Variants in DLC1 observed in about 807,000 individuals in gnomAD.
The protein encoded by DLC1 is rho GTPase-activating protein 7.
DLC1 carries 54 observed loss-of-function variants against 140.3 expected under a neutral mutation model. That is an observed-to-expected ratio of 0.38 (90% CI 0.31 to 0.48). The LOEUF (loss-of-function observed/expected upper bound fraction) is 0.48, where lower values mean the gene tolerates loss of function less well. DLC1 is among the 20% of genes least tolerant of loss of function. The pLI, the probability that DLC1 is intolerant of heterozygous loss-of-function variation, is 0.96. For synonymous variants in DLC1, 986 were observed against 728.1 expected, an observed-to-expected ratio of 1.35 and a Z score of -5.70; for missense variants, 2,536 against 1,907.0, an observed-to-expected ratio of 1.33 and a Z score of -6.14.
intron 8 of DLC1, among the ~76,000 whole-genome samples, chr8:13,101,733 A>G (rs1402850877): frequency 6.6e-6 from 1 of 152,180 alleles, no homozygotes; most frequent in Non-Finnish European, 1.5e-5. Context: ...GCTCCAGCCA[A>G]TTGAACAAGG....
chr8:13,400,469 T>C (rs1351350940), intron 3 of DLC1, among the ~76,000 whole-genome samples: 1 of 152,230 alleles, frequency 6.6e-6, no homozygotes. Context: ...CATAATGTTA[T>C]TCCACTGTAT....
intron 5 of DLC1, among the ~76,000 whole-genome samples, chr8:13,132,194 A>G (rs988618217): frequency 6.2e-5 from 9 of 144,434 alleles, no homozygotes; most frequent in Non-Finnish European, 1.3e-4. Context: ...TCTCCGGGAA[A>G]AAAACCAAAA....
At position 13,154,250 on chromosome 8, in the gene DLC1, C is replaced by T. The variant is rs116173014; in HGVS notation, c.1349-38593G>A. On this transcript the variant is annotated intron_variant, in intron 5 of 17. Coordinates refer to ENST00000276297, the MANE Select transcript of DLC1 (RefSeq NM_182643.3). The stretch of plus-strand genomic sequence containing the variant: ...CCCTCGGGTGGTCACCATGGAGCAG[C>T]GGGAGGCACCCATCAGGGAGACTCG... Among the ~76,000 whole-genome samples the T allele has an allele frequency of 4.4e-3, 672 of 152,330 alleles. 2 individuals are homozygous for T. Among genetic ancestry groups the T allele is most frequent in the African/African-American group, 0.014 (595 of 41,586 alleles).
chr8:13,557,105 A>G (rs988906945), intron 1 of DLC1, among the ~76,000 whole-genome samples: 1 of 152,156 alleles, frequency 6.6e-6, no homozygotes, highest in Non-Finnish European at 1.5e-5. Context: ...GGAACTCTGA[A>G]TGTTATTCTA....
intron 1 of DLC1, among the ~76,000 whole-genome samples, chr8:13,513,326 T>G (rs1461336543): frequency 6.6e-6 from 1 of 152,160 alleles, no homozygotes; most frequent in Non-Finnish European, 1.5e-5. Flanking sequence ...TCCACATATA[T>G]AAAAAGTAGA....
chr8:13,207,589 T>G (rs1377688069), intron 5 of DLC1, among the ~76,000 whole-genome samples: 5 of 152,044 alleles, frequency 3.3e-5, no homozygotes, highest in Non-Finnish European at 7.3e-5. Context: ...AAACTCAACC[T>G]TAAAAATAGA....
chr8:13,541,688 T>C (rs1803489271), intron 1 of DLC1, among the ~76,000 whole-genome samples: 1 of 152,144 alleles, frequency 6.6e-6, no homozygotes, highest in Non-Finnish European at 1.5e-5. Flanking sequence ...TAGCTGGGAC[T>C]ACAGGCGCCT....
At chr8:13,188,906 G>C (rs1288134986) in intron 5 of DLC1, among the ~76,000 whole-genome samples, 2 of 138,136 alleles carry the variant, frequency 1.4e-5, no homozygotes, top group African/African-American at 2.7e-5. Flanking sequence ...GGCCAGGCTG[G>C]TCTTGAACTC....
chr8:13,407,815 C>T (rs1427852850), intron 2 of DLC1, among the ~76,000 whole-genome samples: 2 of 152,132 alleles, frequency 1.3e-5, no homozygotes, highest in Admixed American at 1.3e-4. Flanking sequence ...AGAAAGGGAC[C>T]TTTTAGCAAA....
intron 4 of DLC1, among the ~76,000 whole-genome samples, chr8:13,334,868 G>C (rs1454944): frequency 0.86 from 130,299 of 152,226 alleles, 56,189 homozygotes; most frequent in East Asian, 0.95. Context: ...TGTGGCAGGC[G>C]CTGCTCTAAG....
At chr8:13,126,954 G>C (rs1563650781) in intron 5 of DLC1, among the ~76,000 whole-genome samples, 1 of 152,162 alleles carries the variant, frequency 6.6e-6, no homozygotes, top group Non-Finnish European at 1.5e-5. Flanking sequence ...GAAAATGAAT[G>C]AAATATCAAG....
At chr8:13,603,381 T>C (rs1299018457) in intron 1 of DLC1, among the ~76,000 whole-genome samples, 2 of 151,468 alleles carry the variant, frequency 1.3e-5, no homozygotes, top group African/African-American at 2.4e-5. Flanking sequence ...TTAATGGGAG[T>C]CACTGATTTT....
At chr8:13,411,102 A>C (rs973514332) in intron 2 of DLC1, among the ~76,000 whole-genome samples, 1 of 152,200 alleles carries the variant, frequency 6.6e-6, no homozygotes, top group Non-Finnish European at 1.5e-5. Context: ...ATGTCCCCAT[A>C]AACACCTGCA....
At chr8:13,135,163 A>G (rs1362452868) in intron 5 of DLC1, among the ~76,000 whole-genome samples, 1 of 150,604 alleles carries the variant, frequency 6.6e-6, no homozygotes, top group Admixed American at 6.6e-5. Flanking sequence ...CTGCGTGACT[A>G]TGTTAAGGAA....
chr8:13,318,510 C>T (rs956090977), intron 4 of DLC1, among the ~76,000 whole-genome samples: 1 of 152,148 alleles, frequency 6.6e-6, no homozygotes, highest in African/African-American at 2.4e-5. Context: ...ATGTTCTCCC[C>T]TTCTCTTCTA....
intron 5 of DLC1, among the ~76,000 whole-genome samples, chr8:13,296,804 C>G (rs1269023937): frequency 6.6e-6 from 1 of 151,450 alleles, no homozygotes; most frequent in Non-Finnish European, 1.5e-5. Flanking sequence ...AATAAATATA[C>G]CAACAAAGTG....
intron 5 of DLC1, among the ~76,000 whole-genome samples, chr8:13,134,838 C>T (rs1822431487): frequency 6.6e-6 from 1 of 152,126 alleles, no homozygotes; most frequent in Non-Finnish European, 1.5e-5. Context: ...TACTGGCTCC[C>T]TAATTTACCC....
At chr8:13,140,591 G>A (rs1272671487) in intron 5 of DLC1, among the ~76,000 whole-genome samples, 1 of 150,954 alleles carries the variant, frequency 6.6e-6, no homozygotes, top group Non-Finnish European at 1.5e-5. Context: ...TAAGTATTAT[G>A]TATATTAGGG....
intron 12 of DLC1, among the ~76,000 whole-genome samples, chr8:13,094,521 C>G (rs1056961321): frequency 6.6e-6 from 1 of 152,094 alleles, no homozygotes; most frequent in East Asian, 1.9e-4. Context: ...CAAAAATTAG[C>G]CAGACGTGGT....
Sources: gnomAD v4.1 joint callset for allele counts (sites outside exome capture counted in the v4.1 genomes callset) on GRCh38, gnomAD v4.1.1 for gene constraint, MANE v1.5 for transcripts, NCBI Gene and HGNC (gene_info 2026-07-23, HGNC 2026-07-21) for gene names.